Variants in CHCHD3 observed in about 807,000 individuals in gnomAD.
The protein encoded by CHCHD3 is coiled-coil-helix-coiled-coil-helix domain containing 3, also known as MICOS complex subunit MIC19.
In CHCHD3, 20 loss-of-function variants were observed where a neutral mutation model predicts 38.2. The observed-to-expected ratio is 0.52, with a 90% CI of 0.37 to 0.76. The LOEUF is 0.76. Ranked by LOEUF, CHCHD3 falls within the 30% of genes least tolerant of loss-of-function variation. CHCHD3 has a pLI of 0.00. For missense variants in CHCHD3, 245 were observed against 279.2 expected, an observed-to-expected ratio of 0.88 and a Z score of 0.87; for synonymous variants, 82 against 100.0, an observed-to-expected ratio of 0.82 and a Z score of 1.07.
chr7:132,796,149 G>A (rs538842746), intron 7 of CHCHD3, among the ~76,000 whole-genome samples: 3 of 152,054 alleles, frequency 2.0e-5, no homozygotes, highest in Admixed American at 6.5e-5. Context: ...AATGACCTTG[G>A]GAACATTATT....
chr7:133,054,706 G>A (rs954948275), intron 2 of CHCHD3, among the ~76,000 whole-genome samples: 6 of 152,082 alleles, frequency 3.9e-5, no homozygotes, highest in Non-Finnish European at 8.8e-5. Flanking sequence ...CCAGCCCTAG[G>A]CAACCACCAC....
At chr7:133,079,891 C>CA (rs1195206873) in intron 1 of CHCHD3, among the ~76,000 whole-genome samples, 3 of 152,186 alleles carry the variant, frequency 2.0e-5, no homozygotes, top group Non-Finnish European at 2.9e-5. Context: ...CTCAATACTT[C>CA]AATGGATGTC....
At chr7:133,011,993 C>T (rs985679017) in intron 3 of CHCHD3, among the ~76,000 whole-genome samples, 1 of 152,082 alleles carries the variant, frequency 6.6e-6, no homozygotes, top group African/African-American at 2.4e-5. Flanking sequence ...GGCGCAATCT[C>T]GGCTCACTGC....
chr7:133,054,293 A>G (rs923340048), intron 2 of CHCHD3, among the ~76,000 whole-genome samples: 7 of 152,224 alleles, frequency 4.6e-5, no homozygotes, highest in Non-Finnish European at 7.3e-5. Flanking sequence ...TAATACTAAA[A>G]TAACTTAGTG....
chr7:133,008,804 C>A (rs1048924572), intron 3 of CHCHD3, among the ~76,000 whole-genome samples: 1 of 152,114 alleles, frequency 6.6e-6, no homozygotes, highest in East Asian at 1.9e-4. Context: ...TTTTGTGCAG[C>A]TTCCCAAAGG....
At chr7:132,987,503 C>A (rs1438223541) in intron 3 of CHCHD3, among the ~76,000 whole-genome samples, 1 of 152,204 alleles carries the variant, frequency 6.6e-6, no homozygotes, top group African/African-American at 2.4e-5. Context: ...ACAGACACCA[C>A]ACCAGACGAA....
chr7:132,908,987 G>A (rs886905993), intron 4 of CHCHD3, among the ~76,000 whole-genome samples: 12 of 152,024 alleles, frequency 7.9e-5, no homozygotes, highest in Non-Finnish European at 1.2e-4. Flanking sequence ...AGAGGGACCC[G>A]GTAAGAGGTA....
intron 2 of CHCHD3, among the ~76,000 whole-genome samples, chr7:133,040,337 G>A (rs1234720970): frequency 2.0e-5 from 3 of 152,040 alleles, no homozygotes; most frequent in Admixed American, 1.3e-4. Flanking sequence ...TGAAAACACT[G>A]GAGGAATTGT....
At position 132,812,413 on chromosome 7, in the gene CHCHD3, T is replaced by C. The variant is rs147213632; in HGVS notation, c.525-15836A>G. Among the ~76,000 whole-genome samples, 111 of 152,064 alleles carry C rather than the reference T, an allele frequency of 7.3e-4. No individual in the cohort carries two copies. The Middle Eastern group carries it at 0.027, about 37-fold the overall frequency. On this transcript the variant is annotated intron_variant, in intron 6 of 7. Coordinates refer to ENST00000262570, the MANE Select transcript of CHCHD3 (RefSeq NM_017812.4). The stretch of plus-strand genomic sequence containing the variant: ...CAGTAGAGATGGGGTTTCACCATGT[T>C]GGCCAGGTTGGTCTCAAACTCTTGA...
rs1329610778 is a variant in CHCHD3 at position 132,885,706 on chromosome 7, GC to G, written c.408del (p.Lys136AsnfsTer121). On this transcript the variant is annotated frameshift_variant, in exon 5 of 8. Coordinates refer to ENST00000262570, the MANE Select transcript of CHCHD3 (RefSeq NM_017812.4). LOFTEE classifies it high-confidence loss of function. ...QLEEKDRVLK[K>X]QDAFYKEQLA... Reference sequence around the variant, plus strand: ...AGCTGTTCTTTGTAGAATGCATCCTGCTTCTTTAGCACTCGGTCTTTCTCTT... The same window carrying G: ...AGCTGTTCTTTGTAGAATGCATCCTGTTCTTTAGCACTCGGTCTTTCTCTT... 1 of 1,608,700 alleles carries G rather than the reference GC, an allele frequency of 6.2e-7. No individual in the cohort carries two copies. Among genetic ancestry groups the G allele is most frequent in the African/African-American group, 1.3e-5 (1 of 74,548 alleles).
At chr7:132,801,620 A>G (rs925858374) in intron 6 of CHCHD3, among the ~76,000 whole-genome samples, 3 of 152,230 alleles carry the variant, frequency 2.0e-5, no homozygotes, top group African/African-American at 4.8e-5. Context: ...CACCTAGCTC[A>G]GTACTTAGCT....
At chr7:133,000,640 T>G (rs1479057715) in intron 3 of CHCHD3, among the ~76,000 whole-genome samples, 1 of 152,176 alleles carries the variant, frequency 6.6e-6, no homozygotes, top group African/African-American at 2.4e-5. Context: ...CACTGACTAA[T>G]GCAAATATAA....
At chr7:133,043,274 T>C (rs1381455455) in intron 2 of CHCHD3, among the ~76,000 whole-genome samples, 2 of 152,160 alleles carry the variant, frequency 1.3e-5, no homozygotes, top group Non-Finnish European at 2.9e-5. Flanking sequence ...TATGACACTA[T>C]ATTGTATTTC....
chr7:132,843,491 A>G (rs1807994699), intron 5 of CHCHD3, among the ~76,000 whole-genome samples: 1 of 152,318 alleles, frequency 6.6e-6, no homozygotes, highest in African/African-American at 2.4e-5. Context: ...CACTTTTCAT[A>G]ATTAAATATA....
At chr7:132,886,638 A>G (rs1159439522) in intron 4 of CHCHD3, among the ~76,000 whole-genome samples, 1 of 151,370 alleles carries the variant, frequency 6.6e-6, no homozygotes, top group Non-Finnish European at 1.5e-5. Context: ...GTGTGTATAT[A>G]TATGTGTATA....
At chr7:132,990,951 T>TACATAC (rs1554398387) in intron 3 of CHCHD3, among the ~76,000 whole-genome samples, 1 of 143,692 alleles carries the variant, frequency 7.0e-6, no homozygotes. Context: ...CAGACACACA[T>TACATAC]ACACACACAC....
At chr7:132,831,773 T>A (rs765703307) in intron 6 of CHCHD3, among the ~76,000 whole-genome samples, 1 of 152,184 alleles carries the variant, frequency 6.6e-6, no homozygotes, top group African/African-American at 2.4e-5. Context: ...ATTTCCAAAA[T>A]GAGGTTGCAT....
chr7:132,906,711 A>T (rs1283372909), intron 4 of CHCHD3, among the ~76,000 whole-genome samples: 1 of 152,106 alleles, frequency 6.6e-6, no homozygotes, highest in Non-Finnish European at 1.5e-5. Flanking sequence ...ACCAGCTGGA[A>T]TATTTGTAAA....
intron 4 of CHCHD3, among the ~76,000 whole-genome samples, chr7:132,959,099 C>T (rs367594999): frequency 1.3e-5 from 2 of 152,286 alleles, no homozygotes; most frequent in East Asian, 1.9e-4. Context: ...AAGGGGAGGC[C>T]ATGCCAAATG....
Sources: gnomAD v4.1 joint callset for allele counts (sites outside exome capture counted in the v4.1 genomes callset) on GRCh38, gnomAD v4.1.1 for gene constraint, MANE v1.5 for transcripts, NCBI Gene and HGNC (gene_info 2026-07-23, HGNC 2026-07-21) for gene names.